Variants in COG3 observed in about 807,000 individuals in gnomAD.
COG3 encodes the protein component of oligomeric golgi complex 3.
COG3 carries 32 observed loss-of-function variants against 114.1 expected under a neutral mutation model. The observed-to-expected ratio is 0.28, with a 90% confidence interval of 0.21 to 0.38. COG3 has a LOEUF of 0.38. COG3 is among the 10% of genes least tolerant of loss of function. The pLI is 1.00. For synonymous variants in COG3, 352 were observed against 365.7 expected, an observed-to-expected ratio of 0.96 and a Z score of 0.43; for missense variants, 813 against 973.2, an observed-to-expected ratio of 0.84 and a Z score of 2.19.
chr13:45,485,829 T>G, intron 7 of COG3, among the ~76,000 whole-genome samples: 1 of 36,136 alleles, frequency 2.8e-5, no homozygotes, highest in African/African-American at 1.9e-4. Flanking sequence ...CTTTCCAGAC[T>G]GGGCAGCCAG....
chr13:45,525,750 C>A (rs570593857), intron 20 of COG3, among the ~76,000 whole-genome samples: 2 of 145,888 alleles, frequency 1.4e-5, no homozygotes, highest in South Asian at 2.3e-4. Context: ...CAGAATAAAT[C>A]ATTTTGTTAA....
At chr13:45,492,414 AGTTATTTTCTTAAAT>A (rs372246142) in intron 11 of COG3, among the ~76,000 whole-genome samples, 164 bp downstream of exon 11, 2,085 of 150,758 alleles carry the variant, frequency 0.014, 42 homozygotes, top group African/African-American at 0.044. Flanking sequence ...TTTTCTTAAA[AGTTATTTTCTTAAAT>A]GTGCAACTTA....
chr13:45,513,474 T>A (rs1971578), intron 16 of COG3, among the ~76,000 whole-genome samples: 4 of 40,244 alleles, frequency 9.9e-5, no homozygotes, highest in East Asian at 1.6e-3. Flanking sequence ...ACATATAAAT[T>A]ATATATATAA....
rs1245403046 is a variant in COG3 at position 45,503,334 on chromosome 13, A to G, written c.1579A>G (p.Ser527Gly). 6.3e-7 allele frequency: 1 copy of G among 1,575,262 alleles called. No individual in the cohort carries two copies. The change falls in exon 14 of 23, where the codon AGT becomes GGT. Residue 527 changes from serine to glycine, a missense_variant. Physicochemically the swap from Ser to Gly is moderately conservative, Grantham distance 56. Around this residue, in one of 2 missense-constraint regions of COG3, gnomAD observed 389 missense variants for 542.6 expected, o/e 0.72. Transcript: ENST00000349995. ...TCACTTAGAAGAAGGAGAGTCTAAC[A>G]GTCTGACAAAATCTGGTATGTTATG... Reference protein sequence around the residue: ...DVHLEEGESNSLTKSGSTESL... With the variant: ...DVHLEEGESNGLTKSGSTESL...
At chr13:45,523,848 G>A (rs1001641014) in intron 19 of COG3, among the ~76,000 whole-genome samples, 4 of 152,042 alleles carry the variant, frequency 2.6e-5, no homozygotes, top group African/African-American at 7.2e-5. Context: ...TTTTTACAAC[G>A]GAAAATATTT....
At chr13:45,499,827 GC>G (rs1301002331) in intron 13 of COG3, among the ~76,000 whole-genome samples, 1 of 152,090 alleles carries the variant, frequency 6.6e-6, no homozygotes, top group African/African-American at 2.4e-5. Flanking sequence ...TTCAAGACCA[GC>G]CTGCACAACA....
At chr13:45,500,659 G>C (rs1371827086) in intron 13 of COG3, among the ~76,000 whole-genome samples, 3 of 152,168 alleles carry the variant, frequency 2.0e-5, no homozygotes, top group African/African-American at 4.8e-5. Context: ...TCTTCTGTTG[G>C]TATGATACAT....
intron 13 of COG3, among the ~76,000 whole-genome samples, chr13:45,497,845 G>A (rs2985961): frequency 0.36 from 53,903 of 149,916 alleles, 10,452 homozygotes; most frequent in Middle Eastern, 0.55. Flanking sequence ...AGGCTAAGCA[G>A]GACGGAATAT....
Position 45,481,301 on chromosome 13 carries a change from C to T in COG3, c.621C>T (p.Asn207=), listed in dbSNP as rs769753897. ...LSYFNELETI[N]TKLNSPTLSV... ...ATTTTAACGAATTGGAAACTATTAA[C>T]ACAGTAAGCATTGTTCTTTACTTCT... The change falls in exon 5 of 23, where the codon AAC becomes AAT. Residue 207 remains asparagine, a synonymous_variant. Coordinates refer to ENST00000349995, the MANE Select transcript of COG3 (RefSeq NM_031431.4). The T allele has an allele frequency of 3.3e-6, 5 of 1,514,294 alleles. No individual in the cohort carries two copies. The highest frequency in any genetic ancestry group is 1.1e-5 in the South Asian group (1 of 87,200). The allele number at this position is 1,514,294 out of a possible 1,614,324, so 93.8% of individuals were successfully genotyped here. A position where few individuals can be genotyped will look rare whatever the true frequency, so the allele number is the denominator to read the frequency against.
At chr13:45,466,919 G>A (rs1401655228) in intron 1 of COG3, among the ~76,000 whole-genome samples, 1 of 152,158 alleles carries the variant, frequency 6.6e-6, no homozygotes, top group African/African-American at 2.4e-5. Flanking sequence ...AAGATAGAAA[G>A]ATAAATAGGA....
Position 45,491,514 on chromosome 13 carries a change from A to G in COG3, c.1071A>G (p.Gln357=), listed in dbSNP as rs1185890397. 2 of 1,612,450 alleles carry G rather than the reference A, an allele frequency of 1.2e-6. No individual in the cohort carries two copies. Among genetic ancestry groups the G allele is most frequent in the Admixed American group, 1.7e-5 (1 of 59,598 alleles). The change falls in exon 10 of 23, where the codon CAA becomes CAG. Residue 357 remains glutamine, a synonymous_variant. Coordinates refer to ENST00000349995, the MANE Select transcript of COG3 (RefSeq NM_031431.4). ...IACTVAELTS[Q]NNRDHCALVR... ...GCACTGTTGCAGAGTTAACCAGCCA[A>G]AATAATAGAGATCACTGTGCCTTGG...
intron 21 of COG3, 54 bp from the exon 22 acceptor site, chr13:45,530,628 T>C (rs1873092211): frequency 1.9e-6 from 2 of 1,032,516 alleles, no homozygotes; most frequent in African/African-American, 1.6e-5. Flanking sequence ...ACATTCATGG[T>C]GCTTCGTGTT....
chr13:45,501,045 G>C (rs1167415847), intron 13 of COG3, among the ~76,000 whole-genome samples: 1 of 152,114 alleles, frequency 6.6e-6, no homozygotes, highest in East Asian at 1.9e-4. Context: ...TCATATTAAG[G>C]GTACAGCCTT....
intron 2 of COG3, among the ~76,000 whole-genome samples, chr13:45,477,209 G>A (rs1885923318): frequency 6.6e-6 from 1 of 152,066 alleles, no homozygotes; most frequent in African/African-American, 2.4e-5. Context: ...GATAGCCAAG[G>A]TACATGGCAA....
intron 7 of COG3, among the ~76,000 whole-genome samples, chr13:45,486,114 G>A (rs867029669): frequency 1.2e-4 from 16 of 133,778 alleles, no homozygotes; most frequent in Middle Eastern, 3.4e-3. Flanking sequence ...GCTGGAGACC[G>A]GCCCGGCCAA....
chr13:45,471,966 C>T lies in COG3; in HGVS notation c.175-4235C>T, dbSNP rs529679585. Among the ~76,000 whole-genome samples, 16 of 152,330 alleles carry T rather than the reference C, an allele frequency of 1.1e-4. No homozygotes were observed. The South Asian group carries it at 3.3e-3, about 32-fold the overall frequency. ...TAGGCTGGTCCTGGACTCCTGACCT[C>T]AGGTGATCCACCTGCCTCGGCCTCC... is the stretch of plus-strand genomic sequence containing the variant. On this transcript the variant is annotated intron_variant, in intron 1 of 22. Transcript: ENST00000349995.
intron 16 of COG3, among the ~76,000 whole-genome samples, chr13:45,513,400 C>CATAATATATACATATAAATCATAT (rs1871157194): frequency 6.8e-4 from 24 of 35,122 alleles, no homozygotes; most frequent in African/African-American, 4.3e-3. Flanking sequence ...ATAAATTATA[C>CATAATATATACATATAAATCATAT]ATATAATATA....
Position 45,513,475 on chromosome 13 carries a change from A to ATATATAATATATACATATAAAT in COG3, c.1809+1627_1809+1628insATATATACATATAAATTATATA, listed in dbSNP as rs1465687107. 3.1e-4 allele frequency among the ~76,000 whole-genome samples: 11 copies of ATATATAATATATACATATAAAT among 35,996 alleles called. 1 individual carries two copies. Among genetic ancestry groups the ATATATAATATATACATATAAAT allele is most frequent in the South Asian group, 2.8e-3 (3 of 1,072 alleles). The allele number at this position is 35,996 out of a possible 152,430, so 23.6% of individuals were successfully genotyped here. A position where few individuals can be genotyped will look rare whatever the true frequency, so the allele number is the denominator to read the frequency against. On this transcript the variant is annotated intron_variant, in intron 16 of 22. Coordinates refer to ENST00000349995, the MANE Select transcript of COG3 (RefSeq NM_031431.4). Reference sequence around the variant, plus strand: ...TATATATAATATATACATATAAATTATATATATAATATATACATATAAATT... The same window carrying ATATATAATATATACATATAAAT: ...TATATATAATATATACATATAAATTATATATAATATATACATATAAATTATATATAATATATACATATAAATT...
intron 1 of COG3, among the ~76,000 whole-genome samples, chr13:45,471,293 G>A (rs1254601729): frequency 1.3e-5 from 2 of 152,076 alleles, no homozygotes; most frequent in South Asian, 2.1e-4. Context: ...GGTGGTGCAC[G>A]CCTGCAGCTC....
Sources: gnomAD v4.1 joint callset for allele counts (sites outside exome capture counted in the v4.1 genomes callset) on GRCh38, gnomAD v4.1.1 for gene constraint, gnomAD v4.1.1 regional missense constraint, MANE v1.5 for transcripts, NCBI Gene and HGNC (gene_info 2026-07-23, HGNC 2026-07-21) for gene names.